Variants in NKAIN4 observed in about 807,000 individuals in gnomAD.
NKAIN4 encodes the protein sodium/potassium-transporting ATPase subunit beta-1-interacting protein 4.
Under a neutral mutation model 28.8 loss-of-function variants are expected in NKAIN4, and 28 were observed. The ratio of observed to expected loss-of-function variants is 0.97; its 90% confidence interval spans 0.72 to 1.33. The LOEUF (loss-of-function observed/expected upper bound fraction) is 1.33, where lower values mean the gene tolerates loss of function less well. Among genes scored for constraint, NKAIN4 ranks in the 40% most tolerant of loss-of-function variants. NKAIN4 has a pLI of 0.00. For missense variants in NKAIN4, 289 were observed against 277.2 expected (o/e 1.04, Z -0.30); for synonymous variants, 122 against 115.6 (o/e 1.06, Z -0.36).
chr20:63,254,309 C>G, intron 1 of NKAIN4, 88 bp downstream of exon 1: 1 of 1,102,828 alleles, frequency 9.1e-7, no homozygotes, highest in South Asian at 1.9e-5. Flanking sequence ...GAACGGGCCC[C>G]GGGGCGGAGG....
At chr20:63,250,758 A>G (rs911921553) in intron 1 of NKAIN4, among the ~76,000 whole-genome samples, 1 of 152,112 alleles carries the variant, frequency 6.6e-6, no homozygotes, top group African/African-American at 2.4e-5. Flanking sequence ...AGACCAAGAA[A>G]ACCTGAGCAA....
chr20:63,244,984 T>A (rs1172460114), intron 4 of NKAIN4, among the ~76,000 whole-genome samples: 3 of 152,182 alleles, frequency 2.0e-5, no homozygotes, highest in Non-Finnish European at 4.4e-5. Context: ...GGTCTTGGTT[T>A]CTTCCTCCAT....
chr20:63,245,715 C>G lies in NKAIN4; in HGVS notation c.472-1631G>C, dbSNP rs1416871445. ...AGCCGCCAGCCTCTCCCAGACCCTC[C>G]AAAGCAAACAGCAGGGGCGAGATCC... is the stretch of plus-strand genomic sequence containing the variant. On this transcript the variant is annotated intron_variant, in intron 4 of 6. Coordinates refer to ENST00000370316, the MANE Select transcript of NKAIN4 (RefSeq NM_152864.4). The surrounding 1 kb of genome is among the most constrained non-coding windows in gnomAD (Gnocchi z 4.7). Among the ~76,000 whole-genome samples, 2 of 152,120 alleles carry G rather than the reference C, an allele frequency of 1.3e-5. No individual in the cohort carries two copies. Among genetic ancestry groups the G allele is most frequent in the Non-Finnish European group, 2.9e-5 (2 of 68,030 alleles).
At chr20:63,248,664 C>T (rs2066902509) in intron 3 of NKAIN4, 151 bp downstream of exon 3, 1 of 631,894 alleles carries the variant, frequency 1.6e-6, no homozygotes, top group South Asian at 1.8e-5. Flanking sequence ...CAACTACAGA[C>T]CAGGGCTGTT....
At chr20:63,243,538 G>A (rs993577712) in intron 5 of NKAIN4, among the ~76,000 whole-genome samples, 31 of 152,298 alleles carry the variant, frequency 2.0e-4, no homozygotes, top group African/African-American at 6.7e-4. Context: ...CAGCGAGGGC[G>A]CCTGAGTGTG....
chr20:63,245,320 C>T lies in NKAIN4; in HGVS notation c.472-1236G>A, dbSNP rs1385838565. Reference sequence around the variant, plus strand: ...CAGCGGTGAGGGTGGGCAACCTCCACGGCTCGTCCCCCTCCTCACCCCAAA... The same window carrying T: ...CAGCGGTGAGGGTGGGCAACCTCCATGGCTCGTCCCCCTCCTCACCCCAAA... On this transcript the variant is annotated intron_variant, in intron 4 of 6. Coordinates refer to ENST00000370316, the MANE Select transcript of NKAIN4 (RefSeq NM_152864.4). The surrounding 1 kb of genome is among the most constrained non-coding windows in gnomAD (Gnocchi z 4.7). 6.6e-6 allele frequency among the ~76,000 whole-genome samples: 1 copy of T among 152,194 alleles called. No individual in the cohort carries two copies. Among genetic ancestry groups the T allele is most frequent in the Non-Finnish European group, 1.5e-5 (1 of 68,016 alleles).
intron 6 of NKAIN4, among the ~76,000 whole-genome samples, chr20:63,242,131 C>T (rs1386190364): frequency 6.6e-6 from 1 of 152,170 alleles, no homozygotes; most frequent in Non-Finnish European, 1.5e-5. Context: ...CACTGCCTTT[C>T]AAGAAACAAG....
intron 1 of NKAIN4, chr20:63,253,290 C>T: frequency 4.1e-6 from 4 of 985,406 alleles, no homozygotes; most frequent in Non-Finnish European, 4.8e-6. Context: ...CTCAGGTTAT[C>T]TCCGCGGCCC....
At chr20:63,246,840 C>T (rs76271554) in intron 4 of NKAIN4, 2 of 985,282 alleles carry the variant, frequency 2.0e-6, no homozygotes, top group South Asian at 4.7e-5. Flanking sequence ...GCACTGACAC[C>T]ATCTGCATTT....
intron 1 of NKAIN4, 28 bp from the exon 2 acceptor site, chr20:63,250,100 G>T (rs1284598822): frequency 1.9e-6 from 3 of 1,542,216 alleles, no homozygotes; most frequent in Non-Finnish European, 2.6e-6. Flanking sequence ...GCCATGAAGG[G>T]TGGACCCGAG....
rs377071925 is a variant in NKAIN4 at position 63,248,926 on chromosome 20, G to C, written c.193-31C>G. 4 of 1,476,468 alleles carry C rather than the reference G, an allele frequency of 2.7e-6. No individual in the cohort carries two copies. In the East Asian group the frequency reaches 9.1e-5, roughly 34 times the overall value. The allele number at this position is 1,476,468 out of a possible 1,614,324, so 91.5% of individuals were successfully genotyped here. On this transcript the variant is annotated intron_variant, in intron 2 of 6. Transcript: ENST00000370316. ...GAGAGGAGAGGATGGGGCGGCAGCT[G>C]AACACAGCTCCCGGGCACACCTGCT...
At chr20:63,247,075 G>A (rs111261765) in intron 4 of NKAIN4, 24 of 1,029,412 alleles carry the variant, frequency 2.3e-5, no homozygotes, top group African/African-American at 2.1e-4. Flanking sequence ...CCTGGGTCAC[G>A]TGGCGCCAGC....
At chr20:63,250,355 G>A (rs1243271493) in intron 1 of NKAIN4, among the ~76,000 whole-genome samples, 1 of 152,180 alleles carries the variant, frequency 6.6e-6, no homozygotes, top group Non-Finnish European at 1.5e-5. Context: ...TGTCCCCGGT[G>A]AGCGTTCCTC....
In NKAIN4 at chr20:63,244,005, G is replaced by A. The variant is rs751578289; in HGVS notation, c.532+19C>T. 1.2e-6 allele frequency: 2 copies of A among 1,607,384 alleles called. No individual in the cohort carries two copies. The highest frequency in any genetic ancestry group is 2.2e-5 in the South Asian group (2 of 90,444). On this transcript the variant is annotated intron_variant, in intron 5 of 6. Coordinates refer to ENST00000370316, the MANE Select transcript of NKAIN4 (RefSeq NM_152864.4). ...GTAGCCGTCTCCCGCCCCACTGCCT[G>A]CAGAGGCCCCATACTCACAGCTGTC...
chr20:63,251,555 G>A (rs879560997), intron 1 of NKAIN4, among the ~76,000 whole-genome samples: 6 of 152,172 alleles, frequency 3.9e-5, no homozygotes, highest in Admixed American at 6.5e-5. Flanking sequence ...CTAGACCAAG[G>A]AGCCCTCTGG....
chr20:63,254,372 G>A (rs757784874), intron 1 of NKAIN4, 25 bp downstream of exon 1: 21 of 1,441,926 alleles, frequency 1.5e-5, no homozygotes, highest in South Asian at 1.3e-5. Context: ...GGCTCCAGGA[G>A]GCTCGCGGAG....
In NKAIN4 at chr20:63,250,043, G is replaced by C; in HGVS notation, c.84C>G (p.Asp28Glu). Residue 28 changes from aspartate to glutamate, a missense_variant, in exon 2 of 7, where the codon GAC (aspartate) becomes GAG (glutamate). Asp to Glu is a conservative substitution (Grantham distance 45). Transcript: ENST00000370316. ...LVAALERQVF[D>E]FLGYQWAPIL... The stretch of plus-strand genomic sequence containing the variant: ...TGGGCGCCCACTGGTAGCCCAGGAA[G>C]TCAAACACCTGCCTCTCCAGGGCGG... 6.3e-7 allele frequency: 1 copy of C among 1,595,504 alleles called. No homozygotes were observed. Among genetic ancestry groups the C allele is most frequent in the Non-Finnish European group, 8.5e-7 (1 of 1,172,326 alleles).
Position 63,245,958 on chromosome 20 carries a change from C to T in NKAIN4, c.471+1620G>A, listed in dbSNP as rs1240201363. On this transcript the variant is annotated intron_variant, in intron 4 of 6. Transcript: ENST00000370316. The surrounding 1 kb of genome is among the most constrained non-coding windows in gnomAD (Gnocchi z 4.7). ...TTTTTTTTTTTTTGAGACAGAGTCT[C>T]GCTCTGTCACCCAGGCTGGAGTGCA... 1.3e-5 allele frequency among the ~76,000 whole-genome samples: 2 copies of T among 149,640 alleles called. No individual in the cohort carries two copies. The highest frequency in any genetic ancestry group is 2.5e-5 in the African/African-American group (1 of 40,186).
rs1252891857 is a variant in NKAIN4 at position 63,252,426 on chromosome 20, T to G, written c.54+1971A>C. On this transcript the variant is annotated intron_variant, in intron 1 of 6. Coordinates refer to ENST00000370316, the MANE Select transcript of NKAIN4 (RefSeq NM_152864.4). The surrounding 1 kb of genome is among the most constrained non-coding windows in gnomAD (Gnocchi z 4.6). ...TCAGAAGAGATGCCTGGGCCCTTTG[T>G]CCTGTAGCTTGGTAACACAAAATTC... 6.6e-6 allele frequency among the ~76,000 whole-genome samples: 1 copy of G among 151,930 alleles called. No homozygotes were observed. Among genetic ancestry groups the G allele is most frequent in the Admixed American group, 6.6e-5 (1 of 15,266 alleles).
Sources: allele counts gnomAD v4.1 joint callset (sites outside exome capture counted in the v4.1 genomes callset), GRCh38; gene constraint gnomAD v4.1.1; non-coding constraint Gnocchi (gnomAD v3.1); transcripts MANE v1.5; gene names NCBI Gene and HGNC (gene_info 2026-07-23, HGNC 2026-07-21).